The following CNTN1 variants were observed in gnomAD, a reference collection of about 807,000 sequenced individuals.
CNTN1 encodes the protein contactin 1.
A neutral mutation model predicts 126.4 loss-of-function variants in CNTN1; 38 were observed. The observed-to-expected ratio is 0.30, with a 90% CI of 0.23 to 0.39. The LOEUF (loss-of-function observed/expected upper bound fraction) is 0.39, where lower values mean the gene tolerates loss of function less well. Among genes scored for constraint, CNTN1 ranks in the 10% least tolerant of loss-of-function variants. The pLI is 1.00. For missense variants in CNTN1, 1,009 were observed against 1,248.4 expected, an observed-to-expected ratio of 0.81 and a Z score of 2.89; for synonymous variants, 413 against 422.6, an observed-to-expected ratio of 0.98 and a Z score of 0.28.
chr12:41,009,090 C>T (rs1202465077), intron 17 of CNTN1, among the ~76,000 whole-genome samples: 1 of 152,136 alleles, frequency 6.6e-6, no homozygotes, highest in Non-Finnish European at 1.5e-5. Flanking sequence ...TGAAGAGGGC[C>T]CAATCTGGAT....
chr12:40,909,746 T>G (rs1944962200), intron 2 of CNTN1, among the ~76,000 whole-genome samples: 2 of 151,444 alleles, frequency 1.3e-5, no homozygotes, highest in Non-Finnish European at 2.9e-5. Context: ...CATAATATAT[T>G]TACATATATA....
intron 14 of CNTN1, among the ~76,000 whole-genome samples, chr12:40,951,456 C>G (rs952450617): frequency 1.3e-5 from 2 of 151,818 alleles, no homozygotes; most frequent in African/African-American, 4.8e-5. Flanking sequence ...TTGACTCAAT[C>G]TTAATATTGA....
intron 1 of CNTN1, among the ~76,000 whole-genome samples, chr12:40,767,174 T>C (rs941873697): frequency 5.9e-5 from 9 of 152,104 alleles, no homozygotes; most frequent in African/African-American, 1.7e-4. Flanking sequence ...AAATTTCCAA[T>C]TTATTTTACA....
chr12:40,889,832 A>T (rs892576513), intron 1 of CNTN1, among the ~76,000 whole-genome samples: 1 of 152,178 alleles, frequency 6.6e-6, no homozygotes, highest in African/African-American at 2.4e-5. Context: ...ATTTATTATC[A>T]TTGGCAAGCT....
intron 14 of CNTN1, 87 bp from the exon 15 acceptor site, chr12:40,959,027 A>C (rs909558952): frequency 1.3e-6 from 2 of 1,531,854 alleles, no homozygotes; most frequent in Non-Finnish European, 1.8e-6. Flanking sequence ...TCATTTTGTT[A>C]GGGGAAAAAA....
chr12:41,070,674 G>A lies in CNTN1; in HGVS notation c.*639G>A, dbSNP rs1355882152. On this transcript the variant is annotated 3_prime_UTR_variant, in exon 24 of 24. Coordinates refer to ENST00000551295, the MANE Select transcript of CNTN1 (RefSeq NM_001843.4). ...TACTATCAGTATTCTTATTTTCAAAGGAAATAATTTTCTAAATATTTGATT... is the reference window on the plus strand; with the variant it reads ...TACTATCAGTATTCTTATTTTCAAAAGAAATAATTTTCTAAATATTTGATT... The A allele has an allele frequency of 6.6e-6, 1 of 152,034 alleles. No individual in the cohort carries two copies. The highest frequency in any genetic ancestry group is 1.5e-5 in the Non-Finnish European group (1 of 68,008). 9.4% of individuals were successfully genotyped at this position (152,034 alleles called of 1,614,324 possible).
At position 41,027,837 on chromosome 12, in the gene CNTN1, C is replaced by T; in HGVS notation, c.2711-20C>T. ...GATTGGATATAGTGACCACTGATTGCATATTACTACTTTTCACAGCTCCTA... is the reference window on the plus strand; with the variant it reads ...GATTGGATATAGTGACCACTGATTGTATATTACTACTTTTCACAGCTCCTA... On this transcript the variant is annotated intron_variant, in intron 21 of 23. Coordinates refer to ENST00000551295, the MANE Select transcript of CNTN1 (RefSeq NM_001843.4). The T allele has an allele frequency of 6.9e-7, 1 of 1,444,266 alleles. No individual in the cohort carries two copies. Among genetic ancestry groups the T allele is most frequent in the Non-Finnish European group, 9.8e-7 (1 of 1,025,484 alleles). 89.5% of individuals were successfully genotyped at this position (1,444,266 alleles called of 1,614,324 possible).
intron 15 of CNTN1, chr12:40,971,696 A>G: frequency 7.2e-7 from 1 of 1,387,548 alleles, no homozygotes; most frequent in Non-Finnish European, 9.3e-7. Flanking sequence ...AAATATAACT[A>G]TAATGCTTCA....
chr12:40,769,722 AT>A (rs1270092910), intron 1 of CNTN1, among the ~76,000 whole-genome samples: 1 of 151,694 alleles, frequency 6.6e-6, no homozygotes, highest in Admixed American at 6.6e-5. Flanking sequence ...TTTATTAGGG[AT>A]TTTTTTTGGA....
rs145977208 is a variant in CNTN1 at position 40,943,317 on chromosome 12, C to A, written c.1380-280C>A. On this transcript the variant is annotated intron_variant, in intron 12 of 23. Coordinates refer to ENST00000551295, the MANE Select transcript of CNTN1 (RefSeq NM_001843.4). ...GAGACCGGGGCTCATTTCTTTCAGG[C>A]CTATGACTGATTTCAGCCTGTCCCA... 1.5e-3 allele frequency among the ~76,000 whole-genome samples: 227 copies of A among 152,096 alleles called. 2 individuals are homozygous for A. The highest frequency in any genetic ancestry group is 5.2e-3 in the African/African-American group (215 of 41,518).
intron 3 of CNTN1, among the ~76,000 whole-genome samples, chr12:40,912,428 A>T (rs1203971564): frequency 6.6e-6 from 1 of 151,830 alleles, no homozygotes; most frequent in Non-Finnish European, 1.5e-5. Context: ...CAGCTATTGT[A>T]GGACCAACTT....
chr12:40,923,755 A>G (rs1311430293), intron 5 of CNTN1, among the ~76,000 whole-genome samples: 1 of 152,200 alleles, frequency 6.6e-6, no homozygotes, highest in African/African-American at 2.4e-5. Context: ...ATGGCATTCA[A>G]GTAAGACACC....
intron 15 of CNTN1, among the ~76,000 whole-genome samples, chr12:40,980,128 T>C (rs565651329): frequency 1.7e-4 from 26 of 152,192 alleles, no homozygotes; most frequent in Non-Finnish European, 2.8e-4. Context: ...ACCTATAACA[T>C]TTAGAGTTAT....
In CNTN1 at chr12:40,944,094, T is replaced by C; in HGVS notation, c.1607T>C (p.Leu536Pro). 1 of 1,613,556 alleles carries C rather than the reference T, an allele frequency of 6.2e-7. No homozygotes were observed. Among genetic ancestry groups the C allele is most frequent in the Non-Finnish European group, 8.5e-7 (1 of 1,179,628 alleles). ...GCGTCCTTTGATCCTGCCTTGGATCTCACATTTGTTTGGTCCTTCAATGGC... is the reference window on the plus strand; with the variant it reads ...GCGTCCTTTGATCCTGCCTTGGATCCCACATTTGTTTGGTCCTTCAATGGC... ...CAASFDPALDLTFVWSFNGYV... is the reference protein window; with the variant it reads ...CAASFDPALDPTFVWSFNGYV... Residue 536 changes from leucine to proline, a missense_variant, in exon 14 of 24, where the codon CTC (leucine) becomes CCC (proline). By Grantham distance (98) the Leu-to-Pro change is moderately conservative. Transcript: ENST00000551295.
At chr12:40,818,841 T>C (rs1439100199) in intron 1 of CNTN1, among the ~76,000 whole-genome samples, 1 of 152,184 alleles carries the variant, frequency 6.6e-6, no homozygotes, top group Non-Finnish European at 1.5e-5. Context: ...TGCTGACCTT[T>C]GGATGGGGTT....
intron 1 of CNTN1, among the ~76,000 whole-genome samples, chr12:40,819,188 T>A (rs554253758): frequency 3.7e-4 from 56 of 152,270 alleles, no homozygotes; most frequent in Admixed American, 1.5e-3. Context: ...AGGACCTGTT[T>A]AAGGAAGCAC....
chr12:40,908,916 T>C (rs1331012592), intron 2 of CNTN1, among the ~76,000 whole-genome samples: 3 of 152,100 alleles, frequency 2.0e-5, no homozygotes, highest in Non-Finnish European at 2.9e-5. Flanking sequence ...ATATAGTAAA[T>C]AAAAGAGAGA....
intron 7 of CNTN1, 44 bp downstream of exon 7, chr12:40,930,046 A>G (rs745687222): frequency 6.6e-6 from 9 of 1,360,522 alleles, no homozygotes; most frequent in South Asian, 4.6e-5. Flanking sequence ...AAGGTTATCT[A>G]CATATGGTAT....
intron 1 of CNTN1, among the ~76,000 whole-genome samples, chr12:40,878,618 A>T (rs1044520128): frequency 2.2e-4 from 34 of 152,296 alleles, no homozygotes; most frequent in African/African-American, 8.2e-4. Context: ...CATTATGTGT[A>T]ATGTTACTGA....
Sources: gnomAD v4.1 joint callset for allele counts (sites outside exome capture counted in the v4.1 genomes callset) on GRCh38, gnomAD v4.1.1 for gene constraint, MANE v1.5 for transcripts, NCBI Gene and HGNC (gene_info 2026-07-23, HGNC 2026-07-21) for gene names.